CPEB3: variants seen among roughly 807,000 people sequenced by gnomAD.
CPEB3 encodes cytoplasmic polyadenylation element-binding protein 3.
Under a neutral mutation model 67.2 loss-of-function variants are expected in CPEB3, and 20 were observed. The ratio of observed to expected loss-of-function variants is 0.30; its 90% CI spans 0.21 to 0.43. The LOEUF is 0.43. CPEB3 is among the 20% of genes least tolerant of loss of function. CPEB3 has a pLI of 1.00. For missense variants in CPEB3, 746 were observed against 968.6 expected (o/e 0.77, Z 3.05); for synonymous variants, 376 against 393.1 (o/e 0.96, Z 0.51).
At chr10:92,259,650 A>G (rs1364376316) in intron 1 of CPEB3, among the ~76,000 whole-genome samples, 1 of 151,698 alleles carries the variant, frequency 6.6e-6, no homozygotes, top group Non-Finnish European at 1.5e-5. Flanking sequence ...ATTGCTTTGC[A>G]TTTGCATTTC....
intron 4 of CPEB3, among the ~76,000 whole-genome samples, chr10:92,147,232 G>A (rs1019630586): frequency 5.3e-5 from 8 of 152,188 alleles, no homozygotes; most frequent in African/African-American, 1.9e-4. Context: ...GAGGCAGGTG[G>A]ATCACTTGAG....
At chr10:92,185,443 G>A (rs1265897970) in intron 3 of CPEB3, among the ~76,000 whole-genome samples, 2 of 152,006 alleles carry the variant, frequency 1.3e-5, no homozygotes, top group Non-Finnish European at 1.5e-5. Context: ...AGTCCCATAA[G>A]CTCAATTCAC....
chr10:92,265,981 T>C (rs1212684702), intron 1 of CPEB3, among the ~76,000 whole-genome samples: 2 of 151,850 alleles, frequency 1.3e-5, no homozygotes, highest in African/African-American at 4.8e-5. Flanking sequence ...AATGAATTAA[T>C]GGATTATGAT....
rs75432129 is a variant in CPEB3 at position 92,126,112 on chromosome 10, G to A, written c.1454-14918C>T. 1.2e-3 allele frequency among the ~76,000 whole-genome samples: 178 copies of A among 152,170 alleles called. 5 individuals carry two copies. In the East Asian group the frequency reaches 0.03, roughly 26 times the overall value. ...ACAGCTAGGTGTTAAAAAATGAACT[G>A]GGTCAATCAAATTCCCTCTCTCTGG... On this transcript the variant is annotated intron_variant, in intron 6 of 9. Transcript: ENST00000265997.
intron 7 of CPEB3, among the ~76,000 whole-genome samples, chr10:92,097,359 C>CT (rs1181268147): frequency 1.3e-5 from 2 of 152,174 alleles, no homozygotes; most frequent in African/African-American, 4.8e-5. Flanking sequence ...GTTTAGTTAC[C>CT]ACACAGCTTA....
intron 6 of CPEB3, among the ~76,000 whole-genome samples, chr10:92,115,045 G>GGCGGCC (rs1315773614): frequency 6.6e-6 from 1 of 152,192 alleles, no homozygotes; most frequent in African/African-American, 2.4e-5. Flanking sequence ...TCTCCGCCCC[G>GGCGGCC]GCGGCCGCGG....
chr10:92,145,281 T>C (rs1467807394), intron 4 of CPEB3, among the ~76,000 whole-genome samples, 196 bp from the exon 5 acceptor site: 3 of 152,156 alleles, frequency 2.0e-5, no homozygotes, highest in African/African-American at 7.2e-5. Flanking sequence ...TTTATCATCA[T>C]TTTTGTGTAA....
chr10:92,268,064 C>CCT (rs1853140416), intron 1 of CPEB3, among the ~76,000 whole-genome samples: 2 of 152,154 alleles, frequency 1.3e-5, no homozygotes, highest in South Asian at 4.1e-4. Flanking sequence ...GATCCACTTG[C>CCT]CTCAGCCTCC....
At chr10:92,066,576 G>A (rs1842555456) in intron 9 of CPEB3, among the ~76,000 whole-genome samples, 1 of 152,042 alleles carries the variant, frequency 6.6e-6, no homozygotes, top group Non-Finnish European at 1.5e-5. Context: ...CCATTTATCT[G>A]GTGTGCTAAA....
intron 1 of CPEB3, among the ~76,000 whole-genome samples, chr10:92,273,687 A>G (rs1334106891): frequency 6.6e-6 from 1 of 152,176 alleles, no homozygotes; most frequent in African/African-American, 2.4e-5. Flanking sequence ...CACCTATCAG[A>G]TTGACAAAAA....
intron 8 of CPEB3, among the ~76,000 whole-genome samples, chr10:92,085,938 A>T (rs1373929867): frequency 6.6e-6 from 1 of 152,080 alleles, no homozygotes; most frequent in East Asian, 1.9e-4. Flanking sequence ...AAGATGTGAA[A>T]GGGTCTTTAG....
At chr10:92,252,211 A>G (rs1852332442) in intron 1 of CPEB3, among the ~76,000 whole-genome samples, 1 of 152,210 alleles carries the variant, frequency 6.6e-6, no homozygotes, top group Non-Finnish European at 1.5e-5. Context: ...ATCAACAGAA[A>G]CAAAAAAAGG....
intron 1 of CPEB3, among the ~76,000 whole-genome samples, chr10:92,275,756 T>A (rs2135026150): frequency 6.6e-6 from 1 of 152,222 alleles, no homozygotes; most frequent in South Asian, 2.1e-4. Context: ...TTATAGAATA[T>A]GTGATATTTT....
intron 8 of CPEB3, among the ~76,000 whole-genome samples, chr10:92,083,621 C>A (rs930798811): frequency 5.9e-5 from 9 of 152,102 alleles, no homozygotes; most frequent in African/African-American, 2.2e-4. Context: ...AAATAAGTAA[C>A]CTCAGGACCC....
intron 7 of CPEB3, among the ~76,000 whole-genome samples, chr10:92,096,685 T>C (rs1393419115): frequency 6.6e-6 from 1 of 152,166 alleles, no homozygotes; most frequent in Non-Finnish European, 1.5e-5. Flanking sequence ...CGCTCATTTC[T>C]GTAATCCCAG....
At chr10:92,229,876 C>G (rs1475658560) in intron 2 of CPEB3, among the ~76,000 whole-genome samples, 1 of 152,194 alleles carries the variant, frequency 6.6e-6, no homozygotes, top group East Asian at 1.9e-4. Flanking sequence ...GAAACCCCAT[C>G]TCTACTAAAA....
intron 1 of CPEB3, among the ~76,000 whole-genome samples, chr10:92,278,184 CAA>C (rs34532720): frequency 6.7e-5 from 8 of 119,534 alleles, no homozygotes; most frequent in Admixed American, 8.6e-5. Context: ...GGCTCCATCT[CAA>C]AAAAAAAAAA....
chr10:92,225,721 A>G (rs1179831881), intron 2 of CPEB3, among the ~76,000 whole-genome samples: 1 of 152,234 alleles, frequency 6.6e-6, no homozygotes, highest in Non-Finnish European at 1.5e-5. Flanking sequence ...CCACTATGTA[A>G]ATTACATTAC....
chr10:92,065,990 G>C (rs1045028484), intron 9 of CPEB3, among the ~76,000 whole-genome samples: 2 of 151,950 alleles, frequency 1.3e-5, no homozygotes, highest in Non-Finnish European at 2.9e-5. Context: ...CCAGCTACTC[G>C]GGAGGCTGAG....
Sources: gnomAD v4.1 joint callset for allele counts (sites outside exome capture counted in the v4.1 genomes callset) on GRCh38, gnomAD v4.1.1 for gene constraint, MANE v1.5 for transcripts, NCBI Gene and HGNC (gene_info 2026-07-23, HGNC 2026-07-21) for gene names.